The following SLC24A3 variants were observed in gnomAD, a reference collection of about 807,000 sequenced individuals.
The protein encoded by SLC24A3 is solute carrier family 24 member 3.
Under a neutral mutation model 75.8 loss-of-function variants are expected in SLC24A3, and 28 were observed. The ratio of observed to expected loss-of-function variants is 0.37; its 90% CI spans 0.27 to 0.51. SLC24A3 has a LOEUF of 0.51. Ranked by LOEUF, SLC24A3 falls within the 20% of genes least tolerant of loss-of-function variation. SLC24A3 has a pLI of 0.94. For synonymous variants in SLC24A3, 372 were observed against 334.1 expected (o/e 1.11, Z -1.24); for missense variants, 663 against 847.8 (o/e 0.78, Z 2.71).
rs188732204 is a variant in SLC24A3, at chr20:19,367,641, C to T, written c.271+86554C>T. Among the ~76,000 whole-genome samples the T allele has an allele frequency of 1.3e-4, 20 of 152,194 alleles. No homozygotes were observed. The South Asian group carries it at 2.5e-3, about 19-fold the overall frequency. ...TGTGGTCTCCCTGCCTTCTGTTTAC[C>T]GTCTACTAAGCCACACCTTACTTGG... On this transcript the variant is annotated intron_variant, in intron 2 of 16. Transcript: ENST00000328041.
intron 2 of SLC24A3, among the ~76,000 whole-genome samples, chr20:19,326,381 G>A (rs1209670220): frequency 2.0e-5 from 3 of 152,018 alleles, no homozygotes; most frequent in South Asian, 2.1e-4. Flanking sequence ...AGAGAACTAC[G>A]AGAATAACAA....
chr20:19,685,382 G>A (rs756084954), intron 12 of SLC24A3, 21 bp downstream of exon 12: 2 of 1,609,334 alleles, frequency 1.2e-6, no homozygotes, highest in Non-Finnish European at 8.5e-7. Context: ...CTATGTCTGG[G>A]CTGGGGTTGG....
intron 9 of SLC24A3, among the ~76,000 whole-genome samples, chr20:19,678,316 GGCGGC>G (rs1436800843): frequency 1.5e-5 from 2 of 134,338 alleles, no homozygotes; most frequent in African/African-American, 2.8e-5. Context: ...TCCCAGACGG[GGCGGC>G]TGGCCGGGCG....
chr20:19,671,914 A>G (rs2032472509), intron 8 of SLC24A3, among the ~76,000 whole-genome samples: 1 of 152,074 alleles, frequency 6.6e-6, no homozygotes, highest in South Asian at 2.1e-4. Context: ...GGAGTGGAGG[A>G]GGCAAAGGAG....
chr20:19,306,203 T>C (rs535262178), intron 2 of SLC24A3, among the ~76,000 whole-genome samples: 1 of 152,270 alleles, frequency 6.6e-6, no homozygotes, highest in African/African-American at 2.4e-5. Context: ...AGAATGGCTA[T>C]TAATAAAAAG....
At chr20:19,626,882 G>T (rs1474866892) in intron 6 of SLC24A3, among the ~76,000 whole-genome samples, 1 of 152,204 alleles carries the variant, frequency 6.6e-6, no homozygotes, top group Non-Finnish European at 1.5e-5. Flanking sequence ...ATGAATATGG[G>T]CTGTCACGTA....
rs1026071802 is a variant in SLC24A3 at position 19,603,416 on chromosome 20, G to C, written c.612+17872G>C. Among the ~76,000 whole-genome samples, 2 of 152,298 alleles carry C rather than the reference G, an allele frequency of 1.3e-5. 1 individual carries two copies. The highest frequency in any genetic ancestry group is 4.2e-4 in the South Asian group (2 of 4,818). On this transcript the variant is annotated intron_variant, in intron 6 of 16. Coordinates refer to ENST00000328041, the MANE Select transcript of SLC24A3 (RefSeq NM_020689.4). ...AGAGTTCCGTGTGGAATGGGGGCTG[G>C]TGATGGATGTTTCTGAGGTTGTTTG...
At chr20:19,608,509 C>T (rs2031627514) in intron 6 of SLC24A3, among the ~76,000 whole-genome samples, 1 of 152,188 alleles carries the variant, frequency 6.6e-6, no homozygotes, top group South Asian at 2.1e-4. Flanking sequence ...TTAGGACACA[C>T]AGTTCTATGA....
At chr20:19,658,316 C>T (rs1482403685) in intron 7 of SLC24A3, among the ~76,000 whole-genome samples, 1 of 152,138 alleles carries the variant, frequency 6.6e-6, no homozygotes, top group African/African-American at 2.4e-5. Context: ...TTCAAAATGG[C>T]TGAAATGTCA....
intron 1 of SLC24A3, among the ~76,000 whole-genome samples, chr20:19,218,305 G>A (rs576172427): frequency 4.1e-4 from 63 of 152,242 alleles, no homozygotes; most frequent in African/African-American, 1.4e-3. Flanking sequence ...CAGCAGATTC[G>A]ATATCATTAC....
chr20:19,401,935 A>T (rs1040262196), intron 2 of SLC24A3, among the ~76,000 whole-genome samples: 1 of 152,074 alleles, frequency 6.6e-6, no homozygotes, highest in South Asian at 2.1e-4. Context: ...GATCACCTTC[A>T]CTTCACTGTC....
chr20:19,340,194 G>A (rs1020229693), intron 2 of SLC24A3, among the ~76,000 whole-genome samples: 8 of 152,252 alleles, frequency 5.3e-5, no homozygotes, highest in African/African-American at 1.7e-4. Flanking sequence ...TATTAGTATC[G>A]TACTAATTCA....
At position 19,549,146 on chromosome 20, in the gene SLC24A3, T is replaced by C. The variant is rs1266296856; in HGVS notation, c.349-30854T>C. Reference sequence around the variant, plus strand: ...TACCTGTCACTTTGCCTGCTCACATTGGATTAAATAGAACTCAGTCACATG... The same window carrying C: ...TACCTGTCACTTTGCCTGCTCACATCGGATTAAATAGAACTCAGTCACATG... On this transcript the variant is annotated intron_variant, in intron 3 of 16. Coordinates refer to ENST00000328041, the MANE Select transcript of SLC24A3 (RefSeq NM_020689.4). Among the ~76,000 whole-genome samples the C allele has an allele frequency of 4.6e-5, 7 of 152,212 alleles. No homozygotes were observed. The East Asian group carries it at 9.6e-4, about 21-fold the overall frequency.
chr20:19,287,033 T>G (rs1175028949), intron 2 of SLC24A3, among the ~76,000 whole-genome samples: 2 of 152,228 alleles, frequency 1.3e-5, no homozygotes, highest in African/African-American at 4.8e-5. Context: ...GTGATCTGCT[T>G]TTTAATTTGT....
At position 19,337,163 on chromosome 20, in the gene SLC24A3, G is replaced by A. The variant is rs186769710; in HGVS notation, c.271+56076G>A. ...CATACATATTAACAGTCCACACATC[G>A]GCCGAGCGCAGTGGCTCACGCCTGT... On this transcript the variant is annotated intron_variant, in intron 2 of 16. Coordinates refer to ENST00000328041, the MANE Select transcript of SLC24A3 (RefSeq NM_020689.4). Among the ~76,000 whole-genome samples, 7 of 152,292 alleles carry A rather than the reference G, an allele frequency of 4.6e-5. No individual in the cohort carries two copies. The East Asian group carries it at 5.8e-4, about 13-fold the overall frequency.
At chr20:19,275,391 C>G (rs1232718015) in intron 1 of SLC24A3, among the ~76,000 whole-genome samples, 1 of 152,192 alleles carries the variant, frequency 6.6e-6, no homozygotes, top group Non-Finnish European at 1.5e-5. Context: ...ATGCAGCAAA[C>G]TTCCTCATCT....
intron 3 of SLC24A3, among the ~76,000 whole-genome samples, chr20:19,549,377 A>G (rs1003235844): frequency 1.3e-5 from 2 of 152,254 alleles, no homozygotes; most frequent in African/African-American, 4.8e-5. Flanking sequence ...AAAAGTTGAT[A>G]TTGTAGAATC....
chr20:19,612,695 C>A (rs73605529), intron 6 of SLC24A3, among the ~76,000 whole-genome samples: 3 of 151,658 alleles, frequency 2.0e-5, no homozygotes, highest in Admixed American at 6.6e-5. Context: ...GATCACCCCC[C>A]CTCTGCTGCC....
chr20:19,222,236 A>G (rs1981734689), intron 1 of SLC24A3, among the ~76,000 whole-genome samples: 1 of 151,998 alleles, frequency 6.6e-6, no homozygotes, highest in African/African-American at 2.4e-5. Flanking sequence ...AGTAGTATTG[A>G]GGTTTTCTTT....
Sources: gnomAD v4.1 joint callset for allele counts (sites outside exome capture counted in the v4.1 genomes callset) on GRCh38, gnomAD v4.1.1 for gene constraint, MANE v1.5 for transcripts, NCBI Gene and HGNC (gene_info 2026-07-23, HGNC 2026-07-21) for gene names.